POU6F2: variants seen among roughly 807,000 people sequenced by gnomAD.
POU6F2 encodes the protein POU domain, class 6, transcription factor 2.
POU6F2 carries 31 observed loss-of-function variants against 71.3 expected under a neutral mutation model. The observed-to-expected ratio is 0.43, with a 90% CI of 0.33 to 0.59. POU6F2 has a LOEUF of 0.59. POU6F2 is among the 20% of genes least tolerant of loss of function. The pLI, the probability that POU6F2 is intolerant of heterozygous loss-of-function variation, is 0.04. For synonymous variants in POU6F2, 347 were observed against 355.7 expected (o/e 0.98, Z 0.27); for missense variants, 783 against 856.8 (o/e 0.91, Z 1.07).
intron 2 of POU6F2, among the ~76,000 whole-genome samples, chr7:39,124,358 A>C (rs1161397877): frequency 1.3e-5 from 2 of 152,140 alleles, no homozygotes; most frequent in Non-Finnish European, 2.9e-5. Flanking sequence ...AATTCTATTT[A>C]TCTGTGCACA....
intron 5 of POU6F2, among the ~76,000 whole-genome samples, chr7:39,345,454 G>C (rs1335192121): frequency 6.6e-6 from 1 of 152,144 alleles, no homozygotes; most frequent in Non-Finnish European, 1.5e-5. Flanking sequence ...AAAAACAAAT[G>C]CATGTTGGAT....
rs570049639 is a variant in POU6F2, at chr7:39,420,701, T to A, written c.1114-12376T>A. Among the ~76,000 whole-genome samples the A allele has an allele frequency of 3.3e-5, 5 of 152,342 alleles. No homozygotes were observed. In the East Asian group the frequency reaches 7.7e-4, roughly 24 times the overall value. Reference sequence around the variant, plus strand: ...TTTTGTAGCTAAACATGTCAATGGATCTTTGATGTAAGTATCATTATTCCA... The same window carrying A: ...TTTTGTAGCTAAACATGTCAATGGAACTTTGATGTAAGTATCATTATTCCA... On this transcript the variant is annotated intron_variant, in intron 6 of 9. Transcript: ENST00000518318.
At chr7:39,027,715 T>C (rs368834251) in intron 1 of POU6F2, among the ~76,000 whole-genome samples, 10 of 152,248 alleles carry the variant, frequency 6.6e-5, no homozygotes, top group African/African-American at 2.2e-4. Context: ...GCTAATCAAA[T>C]CTCCTTCTCT....
intron 6 of POU6F2, among the ~76,000 whole-genome samples, chr7:39,409,873 T>C (rs553394902): frequency 1.3e-5 from 2 of 152,374 alleles, no homozygotes; most frequent in East Asian, 3.9e-4. Flanking sequence ...CTCCATATAT[T>C]GAAGAATTTT....
intron 6 of POU6F2, among the ~76,000 whole-genome samples, chr7:39,430,792 G>T (rs11771577): frequency 6.6e-6 from 1 of 152,108 alleles, no homozygotes; most frequent in Non-Finnish European, 1.5e-5. Flanking sequence ...CTGCCCCGTA[G>T]ATGCATCCAG....
At chr7:39,060,913 C>G (rs1790642199) in intron 1 of POU6F2, among the ~76,000 whole-genome samples, 1 of 151,378 alleles carries the variant, frequency 6.6e-6, no homozygotes, top group Non-Finnish European at 1.5e-5. Flanking sequence ...AATAGCCACT[C>G]CATTCCAGCC....
At chr7:39,442,154 A>G (rs1386177997) in intron 7 of POU6F2, among the ~76,000 whole-genome samples, 4 of 152,142 alleles carry the variant, frequency 2.6e-5, no homozygotes, top group African/African-American at 9.7e-5. Context: ...TTTAATGGAA[A>G]TATTTATTGA....
chr7:39,268,808 A>G lies in POU6F2; in HGVS notation c.598+61188A>G, dbSNP rs1784295259. ...GAATGCAACCACCCTTGACATCAGG[A>G]GAGGGCTAAATTTTGTTTTATTCAG... On this transcript the variant is annotated intron_variant, in intron 4 of 9. Coordinates refer to ENST00000518318, the MANE Select transcript of POU6F2 (RefSeq NM_001370959.1). Among the ~76,000 whole-genome samples, 3 of 152,232 alleles carry G rather than the reference A, an allele frequency of 2.0e-5. No homozygotes were observed. The South Asian group carries it at 6.2e-4, about 31-fold the overall frequency.
chr7:38,994,633 AAAG>A (rs2128697473), intron 1 of POU6F2, among the ~76,000 whole-genome samples: 1 of 152,126 alleles, frequency 6.6e-6, no homozygotes, highest in East Asian at 1.9e-4. Context: ...CACTCTGAAT[AAAG>A]AAGAGTTGTG....
chr7:39,035,940 G>A (rs79141493), intron 1 of POU6F2, among the ~76,000 whole-genome samples: 7,611 of 151,956 alleles, frequency 0.05, 303 homozygotes, highest in African/African-American at 0.096. Flanking sequence ...TAAACAAAGA[G>A]CTAATTGAGT....
At chr7:39,238,666 G>A (rs1302155390) in intron 4 of POU6F2, among the ~76,000 whole-genome samples, 1 of 152,150 alleles carries the variant, frequency 6.6e-6, no homozygotes, top group Non-Finnish European at 1.5e-5. Flanking sequence ...CTGATTGGAG[G>A]CATCTGTTTA....
chr7:39,087,766 T>A (rs1438484101), intron 2 of POU6F2, among the ~76,000 whole-genome samples: 2 of 152,230 alleles, frequency 1.3e-5, no homozygotes, highest in Non-Finnish European at 2.9e-5. Context: ...ATGGATTTTG[T>A]AGACTTGAGC....
intron 6 of POU6F2, among the ~76,000 whole-genome samples, chr7:39,408,089 G>T (rs930931496): frequency 6.6e-6 from 1 of 152,202 alleles, no homozygotes; most frequent in African/African-American, 2.4e-5. Context: ...CTGGAGGGAC[G>T]GGGTATTGGT....
chr7:39,208,679 G>T (rs1374938698), intron 4 of POU6F2, among the ~76,000 whole-genome samples: 1 of 152,112 alleles, frequency 6.6e-6, no homozygotes, highest in Admixed American at 6.5e-5. Context: ...TGTTTAAAAC[G>T]AAGTCTCTCT....
intron 1 of POU6F2, among the ~76,000 whole-genome samples, chr7:39,060,041 C>A (rs1007491355): frequency 6.6e-6 from 1 of 152,082 alleles, no homozygotes; most frequent in African/African-American, 2.4e-5. Context: ...AACCCCGTCT[C>A]TACTAAAAAT....
At chr7:39,388,878 AG>A (rs1468941636) in intron 5 of POU6F2, among the ~76,000 whole-genome samples, 3 of 152,238 alleles carry the variant, frequency 2.0e-5, no homozygotes, top group African/African-American at 7.2e-5. Context: ...TAGGTGACAA[AG>A]TTCATGAGAA....
chr7:39,197,135 C>A (rs1282713805), intron 2 of POU6F2, among the ~76,000 whole-genome samples: 1 of 152,118 alleles, frequency 6.6e-6, no homozygotes, highest in African/African-American at 2.4e-5. Flanking sequence ...TTAGAGTTTC[C>A]TCACCTCCCC....
chr7:39,192,616 T>C (rs1342508931), intron 2 of POU6F2, among the ~76,000 whole-genome samples: 1 of 152,256 alleles, frequency 6.6e-6, no homozygotes, highest in Non-Finnish European at 1.5e-5. Flanking sequence ...GGAGCAGCTC[T>C]TCCTGCTGTG....
chr7:39,310,898 G>A (rs1562785727), intron 4 of POU6F2, among the ~76,000 whole-genome samples: 1 of 152,098 alleles, frequency 6.6e-6, no homozygotes, highest in Non-Finnish European at 1.5e-5. Flanking sequence ...AGCTGCTTGG[G>A]AAGGGAGGGA....
Sources: gnomAD v4.1 joint callset for allele counts (sites outside exome capture counted in the v4.1 genomes callset) on GRCh38, gnomAD v4.1.1 for gene constraint, MANE v1.5 for transcripts, NCBI Gene and HGNC (gene_info 2026-07-23, HGNC 2026-07-21) for gene names.